Variants in ADAM18 observed in about 807,000 individuals in gnomAD.
ADAM18 encodes the protein ADAM metallopeptidase domain 18.
In ADAM18, 117 loss-of-function variants were observed where a neutral mutation model predicts 94.4. The ratio of observed to expected loss-of-function variants is 1.24; its 90% CI spans 1.07 to 1.45. ADAM18 has a LOEUF of 1.45. Among genes scored for constraint, ADAM18 ranks in the 40% most tolerant of loss-of-function variants. ADAM18 has a pLI of 0.00. For missense variants in ADAM18, 936 were observed against 880.0 expected, an observed-to-expected ratio of 1.06 and a Z score of -0.81; for synonymous variants, 327 against 291.6, an observed-to-expected ratio of 1.12 and a Z score of -1.24.
At chr8:39,593,074 G>A (rs1451259297) in intron 2 of ADAM18, among the ~76,000 whole-genome samples, 3 of 152,168 alleles carry the variant, frequency 2.0e-5, no homozygotes, top group Non-Finnish European at 4.4e-5. Flanking sequence ...TAAATCTCAT[G>A]AACCAACCTC....
At chr8:39,586,755 A>ACTATCTATCTATCTAT (rs35604090) in intron 2 of ADAM18, among the ~76,000 whole-genome samples, 10 of 147,430 alleles carry the variant, frequency 6.8e-5, no homozygotes, top group Admixed American at 1.4e-4. Flanking sequence ...CAAACAAAAA[A>ACTATCTATCTATCTAT]CTATCTATCT....
At chr8:39,638,438 C>A in intron 9 of ADAM18, 27 bp from the exon 10 acceptor site, 3 of 1,442,880 alleles carry the variant, frequency 2.1e-6, no homozygotes, top group Non-Finnish European at 2.8e-6. Flanking sequence ...TGCATAACTA[C>A]GTTAATAAAA....
intron 7 of ADAM18, among the ~76,000 whole-genome samples, chr8:39,633,561 G>A (rs1368677960): frequency 6.6e-6 from 1 of 152,022 alleles, no homozygotes; most frequent in African/African-American, 2.4e-5. Flanking sequence ...TTGGAAATTG[G>A]GAGAAAGGCC....
intron 6 of ADAM18, among the ~76,000 whole-genome samples, chr8:39,627,296 G>C (rs1819799116): frequency 6.6e-6 from 1 of 152,046 alleles, no homozygotes; most frequent in African/African-American, 2.4e-5. Flanking sequence ...CATGTCAGCA[G>C]GCAAGAGAGC....
At chr8:39,585,237 C>T (rs751675595) in intron 1 of ADAM18, 39 bp from the exon 2 acceptor site, 2 of 1,549,382 alleles carry the variant, frequency 1.3e-6, no homozygotes, top group Non-Finnish European at 1.8e-6. Flanking sequence ...ATTGTTGATG[C>T]AAAACAAAGA....
intron 16 of ADAM18, among the ~76,000 whole-genome samples, chr8:39,682,760 CTA>C (rs760474443): frequency 6.6e-6 from 1 of 152,160 alleles, no homozygotes; most frequent in African/African-American, 2.4e-5. Context: ...AATGGAAGAG[CTA>C]TACTCAAGGA....
chr8:39,665,885 GA>G lies in ADAM18; in HGVS notation c.1326+2003del, dbSNP rs979069636. Among the ~76,000 whole-genome samples, 12 of 151,912 alleles carry G rather than the reference GA, an allele frequency of 7.9e-5. 1 individual carries two copies. Among genetic ancestry groups the G allele is most frequent in the South Asian group, 6.2e-4 (3 of 4,808 alleles). On this transcript the variant is annotated intron_variant, in intron 13 of 19. Transcript: ENST00000265707. ...TTATCTTTTAGAGTAAATAAAAGAA[GA>G]AAAAAAATTAAATGAATTAACATCA... is the stretch of plus-strand genomic sequence containing the variant.
chr8:39,644,599 A>C (rs1012346806), intron 10 of ADAM18, among the ~76,000 whole-genome samples: 3 of 152,004 alleles, frequency 2.0e-5, no homozygotes, highest in Non-Finnish European at 4.4e-5. Flanking sequence ...AAATTTCTTT[A>C]CTGTGATTGT....
intron 10 of ADAM18, among the ~76,000 whole-genome samples, chr8:39,643,147 T>C (rs1820280377): frequency 6.6e-6 from 1 of 152,172 alleles, no homozygotes; most frequent in African/African-American, 2.4e-5. Flanking sequence ...TCTAAGACTT[T>C]GCTGAAATTG....
At chr8:39,710,496 A>G (rs1334480716) in intron 18 of ADAM18, among the ~76,000 whole-genome samples, 2 of 152,222 alleles carry the variant, frequency 1.3e-5, no homozygotes, top group Non-Finnish European at 2.9e-5. Flanking sequence ...ATCTCAGGCA[A>G]GATAAATATA....
rs948285420 is a variant in ADAM18 at position 39,645,479 on chromosome 8, G to A, written c.1046+5G>A. 1.9e-6 allele frequency: 3 copies of A among 1,596,292 alleles called. No individual in the cohort carries two copies. In the African/African-American group the frequency reaches 4.1e-5, roughly 22 times the overall value. On this transcript the variant is annotated splice_donor_5th_base_variant and intron_variant, in intron 11 of 19. Transcript: ENST00000265707. ...CATCATGAATCATGAAGCAGTGTAA[G>A]ATGTTTTCTTAATTAATTTCATTTA...
At chr8:39,685,177 CAT>C (rs1821576535) in intron 16 of ADAM18, 1 of 152,294 alleles carries the variant, frequency 6.6e-6, no homozygotes, top group African/African-American at 2.4e-5. Context: ...GCTGTGAGGG[CAT>C]CTGGGGCATC....
At chr8:39,595,594 C>T (rs1377707418) in intron 2 of ADAM18, among the ~76,000 whole-genome samples, 1 of 152,158 alleles carries the variant, frequency 6.6e-6, no homozygotes, top group Non-Finnish European at 1.5e-5. Flanking sequence ...GATCTCAGCT[C>T]ACTGTAACCT....
At chr8:39,687,028 T>C (rs1173504614) in intron 16 of ADAM18, among the ~76,000 whole-genome samples, 1 of 152,188 alleles carries the variant, frequency 6.6e-6, no homozygotes, top group Non-Finnish European at 1.5e-5. Flanking sequence ...ATATCTTTTG[T>C]CCAACTAGAC....
intron 6 of ADAM18, among the ~76,000 whole-genome samples, chr8:39,612,678 C>T (rs907144169): frequency 6.6e-6 from 1 of 152,130 alleles, no homozygotes; most frequent in African/African-American, 2.4e-5. Context: ...TGGGACAAGG[C>T]CATTCTGATT....
intron 2 of ADAM18, among the ~76,000 whole-genome samples, chr8:39,596,309 A>G (rs894590024): frequency 6.6e-6 from 1 of 152,188 alleles, no homozygotes; most frequent in African/African-American, 2.4e-5. Flanking sequence ...CACTGTTCTA[A>G]AACTCCTTTG....
chr8:39,624,458 G>A (rs946139525), intron 6 of ADAM18, among the ~76,000 whole-genome samples: 2 of 152,060 alleles, frequency 1.3e-5, no homozygotes, highest in Non-Finnish European at 2.9e-5. Context: ...ATCAGTTGGT[G>A]GTATTTGGCT....
At chr8:39,657,029 T>C (rs899541021) in intron 12 of ADAM18, among the ~76,000 whole-genome samples, 10 of 152,224 alleles carry the variant, frequency 6.6e-5, no homozygotes, top group African/African-American at 2.2e-4. Context: ...CAGGTATATA[T>C]AAAACATAAA....
intron 15 of ADAM18, among the ~76,000 whole-genome samples, chr8:39,678,436 C>T (rs1821354110): frequency 6.6e-6 from 1 of 152,126 alleles, no homozygotes; most frequent in African/African-American, 2.4e-5. Context: ...TGCAGAACTT[C>T]CCACTTGCCC....
Sources: gnomAD v4.1 joint callset for allele counts (sites outside exome capture counted in the v4.1 genomes callset) on GRCh38, gnomAD v4.1.1 for gene constraint, MANE v1.5 for transcripts, NCBI Gene and HGNC (gene_info 2026-07-23, HGNC 2026-07-21) for gene names.